The following SPAG16 variants were observed in gnomAD, a reference collection of about 807,000 sequenced individuals.
The protein encoded by SPAG16 is sperm associated antigen 16.
Under a neutral mutation model 80.4 loss-of-function variants are expected in SPAG16, and 86 were observed. That is an observed-to-expected ratio of 1.07 (90% CI 0.90 to 1.28). SPAG16 has a LOEUF of 1.28. Ranked by LOEUF, SPAG16 falls within the 50% of genes most tolerant of loss-of-function variation. The pLI is 0.00. For missense variants in SPAG16, 870 were observed against 765.3 expected, an observed-to-expected ratio of 1.14 and a Z score of -1.61; for synonymous variants, 294 against 265.9, an observed-to-expected ratio of 1.11 and a Z score of -1.03.
chr2:213,793,990 A>G (rs1322125459), intron 10 of SPAG16, among the ~76,000 whole-genome samples: 6 of 152,184 alleles, frequency 3.9e-5, no homozygotes, highest in African/African-American at 1.4e-4. Flanking sequence ...TCTTTTGTTC[A>G]CAAACATCAT....
intron 9 of SPAG16, among the ~76,000 whole-genome samples, chr2:213,449,268 A>T (rs1470657096): frequency 2.0e-5 from 3 of 152,140 alleles, no homozygotes; most frequent in African/African-American, 7.2e-5. Context: ...GTTGTTTAAG[A>T]TGTTTATCAA....
At chr2:213,297,457 C>T (rs1260698133) in intron 3 of SPAG16, 100 bp downstream of exon 3, 12 of 608,582 alleles carry the variant, frequency 2.0e-5, no homozygotes, top group Non-Finnish European at 2.6e-5. Flanking sequence ...GTAGCTCAGT[C>T]ATCTGTTATA....
At chr2:213,489,415 T>C (rs573132495) in intron 9 of SPAG16, among the ~76,000 whole-genome samples, 1 of 152,258 alleles carries the variant, frequency 6.6e-6, no homozygotes, top group Non-Finnish European at 1.5e-5. Flanking sequence ...GATTCTAATA[T>C]GTGTGATTTG....
chr2:213,783,268 G>T (rs971528599), intron 10 of SPAG16, among the ~76,000 whole-genome samples: 15 of 149,210 alleles, frequency 1.0e-4, no homozygotes, highest in African/African-American at 3.5e-4. Context: ...TGGTGTATAT[G>T]TGCCACATTT....
intron 10 of SPAG16, among the ~76,000 whole-genome samples, chr2:213,531,939 A>T (rs1272154072): frequency 6.6e-6 from 1 of 152,166 alleles, no homozygotes; most frequent in African/African-American, 2.4e-5. Flanking sequence ...TTGTATATGT[A>T]CAGAGTTACG....
At chr2:214,406,184 AT>A (rs545949668) in intron 15 of SPAG16, among the ~76,000 whole-genome samples, 100 of 152,322 alleles carry the variant, frequency 6.6e-4, no homozygotes, top group African/African-American at 2.3e-3. Flanking sequence ...GAAAGTAAGT[AT>A]TGAAAGGTTT....
At chr2:213,412,033 C>T (rs1275812798) in intron 9 of SPAG16, among the ~76,000 whole-genome samples, 1 of 152,112 alleles carries the variant, frequency 6.6e-6, no homozygotes, top group Non-Finnish European at 1.5e-5. Flanking sequence ...TGTAAACTTC[C>T]TCGTGAAGCA....
chr2:214,265,151 G>A (rs1691464838), intron 15 of SPAG16, among the ~76,000 whole-genome samples: 1 of 152,096 alleles, frequency 6.6e-6, no homozygotes, highest in South Asian at 2.1e-4. Flanking sequence ...TATGGTAACA[G>A]TATGTTAAGT....
At chr2:214,213,189 G>A (rs1462879805) in intron 15 of SPAG16, among the ~76,000 whole-genome samples, 1 of 152,174 alleles carries the variant, frequency 6.6e-6, no homozygotes, top group Admixed American at 6.5e-5. Flanking sequence ...CACACACACA[G>A]GGGAAGCAAA....
chr2:213,842,389 G>C (rs532491270), intron 10 of SPAG16, among the ~76,000 whole-genome samples: 1 of 152,138 alleles, frequency 6.6e-6, no homozygotes, highest in South Asian at 2.1e-4. Context: ...TAAGAACCAG[G>C]AGTAGTAAGA....
intron 10 of SPAG16, among the ~76,000 whole-genome samples, chr2:213,569,273 TGAATAGGAGCG>T (rs1316957781): frequency 3.3e-4 from 1 of 3,076 alleles, no homozygotes; most frequent in Non-Finnish European, 5.0e-4. Flanking sequence ...AACACTATGT[TGAATAGGAGCG>T]GTGAGAGAGG....
At chr2:214,099,065 T>C (rs2052805311) in intron 13 of SPAG16, among the ~76,000 whole-genome samples, 1 of 152,134 alleles carries the variant, frequency 6.6e-6, no homozygotes, top group African/African-American at 2.4e-5. Context: ...TTACTTGTCA[T>C]TGATTAATTA....
At chr2:213,866,860 A>G (rs571447798) in intron 11 of SPAG16, among the ~76,000 whole-genome samples, 10 of 152,262 alleles carry the variant, frequency 6.6e-5, no homozygotes, top group African/African-American at 1.9e-4. Flanking sequence ...AATAATGACT[A>G]CTTTTTGTTG....
chr2:214,072,812 T>C (rs1047398423), intron 13 of SPAG16, among the ~76,000 whole-genome samples: 4 of 152,182 alleles, frequency 2.6e-5, no homozygotes, highest in Non-Finnish European at 5.9e-5. Flanking sequence ...AAATGTAATG[T>C]ATTTTAACAA....
chr2:213,291,846 G>C (rs1372023057), intron 1 of SPAG16, among the ~76,000 whole-genome samples: 1 of 152,144 alleles, frequency 6.6e-6, no homozygotes, highest in Non-Finnish European at 1.5e-5. Context: ...TTTTAATTTA[G>C]AGATGGGTAT....
intron 4 of SPAG16, among the ~76,000 whole-genome samples, chr2:213,313,342 AGCCTTAG>A (rs1293440150): frequency 6.6e-6 from 1 of 151,920 alleles, no homozygotes; most frequent in Non-Finnish European, 1.5e-5. Context: ...AAGAAGGTGA[AGCCTTAG>A]GCTTATCACT....
At chr2:213,777,675 G>A (rs2069686905) in intron 10 of SPAG16, among the ~76,000 whole-genome samples, 1 of 152,044 alleles carries the variant, frequency 6.6e-6, no homozygotes, top group African/African-American at 2.4e-5. Flanking sequence ...CCAAAGTGTT[G>A]GGATTACAGG....
intron 11 of SPAG16, among the ~76,000 whole-genome samples, chr2:213,907,061 G>C (rs776371583): frequency 4.6e-5 from 7 of 152,054 alleles, no homozygotes; most frequent in Non-Finnish European, 7.4e-5. Flanking sequence ...ACAATCAACA[G>C]AATGAAGAGA....
intron 10 of SPAG16, among the ~76,000 whole-genome samples, chr2:213,563,646 A>G (rs1349265244): frequency 6.6e-6 from 1 of 152,190 alleles, no homozygotes; most frequent in Non-Finnish European, 1.5e-5. Context: ...ATTACCTCAT[A>G]AAAGCCCTAT....
Sources: gnomAD v4.1 joint callset for allele counts (sites outside exome capture counted in the v4.1 genomes callset) on GRCh38, gnomAD v4.1.1 for gene constraint, MANE v1.5 for transcripts, NCBI Gene and HGNC (gene_info 2026-07-23, HGNC 2026-07-21) for gene names.